The following PRKD1 variants were observed in gnomAD, a reference collection of about 807,000 sequenced individuals.
PRKD1 encodes serine/threonine-protein kinase D1.
In PRKD1, 63 loss-of-function variants were observed where a neutral mutation model predicts 95.9. The ratio of observed to expected loss-of-function variants is 0.66; its 90% CI spans 0.54 to 0.81. The LOEUF is 0.81. Among genes scored for constraint, PRKD1 ranks in the 30% least tolerant of loss-of-function variants. The pLI, the probability that PRKD1 is intolerant of heterozygous loss-of-function variation, is 0.00. For missense variants in PRKD1, 1,048 were observed against 1,165.3 expected (o/e 0.90, Z 1.47); for synonymous variants, 425 against 423.1 (o/e 1.00, Z -0.05).
intron 1 of PRKD1, among the ~76,000 whole-genome samples, chr14:29,854,054 G>GACTAATACAGTAAATTGGT (rs1483364478): frequency 6.6e-6 from 1 of 152,146 alleles, no homozygotes; most frequent in African/African-American, 2.4e-5. Flanking sequence ...CATGAGAAAA[G>GACTAATACAGTAAATTGGT]ACTAATACAG....
intron 1 of PRKD1, among the ~76,000 whole-genome samples, chr14:29,827,996 T>C (rs1891263950): frequency 6.6e-6 from 1 of 152,096 alleles, no homozygotes; most frequent in Non-Finnish European, 1.5e-5. Flanking sequence ...TCCTTTTATT[T>C]TCATTCTACT....
intron 1 of PRKD1, among the ~76,000 whole-genome samples, chr14:29,906,194 A>G (rs1894489088): frequency 6.6e-6 from 1 of 152,188 alleles, no homozygotes. Context: ...TATTGAAAGT[A>G]TAAATAAAAA....
intron 1 of PRKD1, among the ~76,000 whole-genome samples, chr14:29,824,783 CG>C (rs1891045991): frequency 6.6e-6 from 1 of 152,044 alleles, no homozygotes; most frequent in Non-Finnish European, 1.5e-5. Context: ...GTTATGAAAT[CG>C]GCCATATGAA....
chr14:29,663,811 T>A lies in PRKD1; in HGVS notation c.584A>T (p.Asn195Ile). ...CCTTCTCCGCCTCACACCGCTGCAATTGTTGGGTATTTTAAATGCACATCT... is the reference window on the plus strand; with the variant it reads ...CCTTCTCCGCCTCACACCGCTGCAAATGTTGGGTATTTTAAATGCACATCT... ...HKRCAFKIPN[N>I]CSGVRRRRLS... is the part of the protein sequence containing the mutation. Residue 195 changes from asparagine to isoleucine, a missense_variant, in exon 4 of 18, where the codon AAT becomes ATT. Around this residue, in one of 3 missense-constraint regions of PRKD1, gnomAD observed 275 missense variants for 248.6 expected, o/e 1.11. Coordinates refer to ENST00000331968, the MANE Select transcript of PRKD1 (RefSeq NM_002742.3). 1 of 1,613,946 alleles carries A rather than the reference T, an allele frequency of 6.2e-7. No individual in the cohort carries two copies. Among genetic ancestry groups the A allele is most frequent in the African/African-American group, 1.3e-5 (1 of 75,026 alleles).
rs544558833 is a variant in PRKD1, at chr14:29,749,024, CTATAAG to C, written c.265-23356_265-23351del. On this transcript the variant is annotated intron_variant, in intron 1 of 17. Coordinates refer to ENST00000331968, the MANE Select transcript of PRKD1 (RefSeq NM_002742.3). ...AAAGACTTGAAATAAAAAATGTTAA[CTATAAG>C]TATATGTAGGAGTGGGATTATAAGT... Among the ~76,000 whole-genome samples the C allele has an allele frequency of 5.1e-3, 772 of 152,188 alleles. 2 individuals carry two copies. The highest frequency in any genetic ancestry group is 8.7e-3 in the Non-Finnish European group (593 of 67,984).
intron 1 of PRKD1, among the ~76,000 whole-genome samples, chr14:29,904,019 G>T (rs1343977014): frequency 1.3e-5 from 2 of 151,836 alleles, no homozygotes; most frequent in African/African-American, 4.8e-5. Flanking sequence ...TGCCTCTTTT[G>T]AACCAATTAT....
intron 1 of PRKD1, among the ~76,000 whole-genome samples, chr14:29,780,133 T>C (rs1482460570): frequency 1.3e-5 from 2 of 152,162 alleles, no homozygotes; most frequent in East Asian, 3.9e-4. Context: ...TTACAAAAAT[T>C]AATTCAAGAT....
chr14:29,892,438 CAAA>C (rs201359274), intron 1 of PRKD1, among the ~76,000 whole-genome samples: 5,413 of 131,690 alleles, frequency 0.041, 176 homozygotes, highest in African/African-American at 0.089. Flanking sequence ...GCCACCCATA[CAAA>C]AAAAAAAAAA....
chr14:29,676,060 A>G (rs1202918107), intron 2 of PRKD1, among the ~76,000 whole-genome samples: 2 of 151,738 alleles, frequency 1.3e-5, no homozygotes, highest in Non-Finnish European at 2.9e-5. Context: ...GCACACCAAC[A>G]TGGCATATGT....
chr14:29,720,500 A>G (rs1885833700), intron 2 of PRKD1, among the ~76,000 whole-genome samples: 3 of 152,168 alleles, frequency 2.0e-5, no homozygotes, highest in Non-Finnish European at 4.4e-5. Flanking sequence ...CTGAAGCCCA[A>G]GCCGAGCACG....
chr14:29,863,541 T>C (rs1017427199), intron 1 of PRKD1, among the ~76,000 whole-genome samples: 7 of 152,186 alleles, frequency 4.6e-5, no homozygotes, highest in Admixed American at 1.3e-4. Flanking sequence ...TTTAGACTTC[T>C]GGACTCGATT....
chr14:29,643,578 C>T (rs1225081741), intron 4 of PRKD1, among the ~76,000 whole-genome samples: 1 of 152,174 alleles, frequency 6.6e-6, no homozygotes, highest in South Asian at 2.1e-4. Context: ...TTGCAACCTT[C>T]CCAGGAAATG....
chr14:29,776,734 A>G (rs903481632), intron 1 of PRKD1, among the ~76,000 whole-genome samples: 4 of 152,226 alleles, frequency 2.6e-5, no homozygotes, highest in African/African-American at 9.7e-5. Context: ...GATATTATCC[A>G]GGAGAACTTC....
intron 1 of PRKD1, among the ~76,000 whole-genome samples, chr14:29,880,928 T>C (rs910073503): frequency 2.0e-5 from 3 of 152,264 alleles, no homozygotes; most frequent in African/African-American, 7.2e-5. Flanking sequence ...ACTCCCATTA[T>C]ATCTAGGAAG....
intron 1 of PRKD1, among the ~76,000 whole-genome samples, chr14:29,892,357 T>G (rs1893966684): frequency 6.6e-6 from 1 of 151,816 alleles, no homozygotes; most frequent in Non-Finnish European, 1.5e-5. Context: ...GCCAAATGGT[T>G]GAGGAAGTTT....
intron 1 of PRKD1, among the ~76,000 whole-genome samples, chr14:29,864,003 G>T (rs2139364414): frequency 6.6e-6 from 1 of 152,206 alleles, no homozygotes; most frequent in East Asian, 1.9e-4. Flanking sequence ...GTATGATATT[G>T]TGTGCGGTAA....
intron 1 of PRKD1, among the ~76,000 whole-genome samples, chr14:29,838,933 C>T (rs1204593023): frequency 1.3e-5 from 2 of 151,990 alleles, no homozygotes; most frequent in East Asian, 3.9e-4. Flanking sequence ...ATGGTAAAAA[C>T]TGGGTGGAAG....
intron 16 of PRKD1, among the ~76,000 whole-genome samples, chr14:29,589,291 C>T (rs1893044425): frequency 6.6e-6 from 1 of 152,182 alleles, no homozygotes; most frequent in Admixed American, 6.5e-5. Context: ...TGCACTGAAG[C>T]AAATTATATC....
intron 1 of PRKD1, among the ~76,000 whole-genome samples, chr14:29,778,376 T>C (rs1054886217): frequency 6.6e-6 from 1 of 151,886 alleles, no homozygotes; most frequent in Non-Finnish European, 1.5e-5. Flanking sequence ...TCAAAAAAAA[T>C]TGATAGACCA....
Sources: gnomAD v4.1 joint callset for allele counts (sites outside exome capture counted in the v4.1 genomes callset) on GRCh38, gnomAD v4.1.1 for gene constraint, gnomAD v4.1.1 regional missense constraint, MANE v1.5 for transcripts, NCBI Gene and HGNC (gene_info 2026-07-23, HGNC 2026-07-21) for gene names.